Variants in PLXNA4 observed in about 807,000 individuals in gnomAD.
The protein encoded by PLXNA4 is plexin-A4.
PLXNA4 carries 44 observed loss-of-function variants against 191.8 expected under a neutral mutation model. The ratio of observed to expected loss-of-function variants is 0.23; its 90% confidence interval spans 0.18 to 0.29. The LOEUF is 0.29. Ranked by LOEUF, PLXNA4 falls within the 10% of genes least tolerant of loss-of-function variation. The pLI is 1.00. For missense variants in PLXNA4, 1,800 were observed against 2,488.8 expected (o/e 0.72, Z 5.89); for synonymous variants, 1,082 against 1,009.5 (o/e 1.07, Z -1.36).
chr7:132,258,557 C>A (rs76679077), intron 4 of PLXNA4, among the ~76,000 whole-genome samples: 5,306 of 152,292 alleles, frequency 0.035, 92 homozygotes, highest in Middle Eastern at 0.058. Context: ...TAGCCCCTGC[C>A]TTTGGGGCTG....
intron 30 of PLXNA4, among the ~76,000 whole-genome samples, chr7:132,138,374 G>A (rs1795173782): frequency 6.6e-6 from 1 of 152,162 alleles, no homozygotes; most frequent in Non-Finnish European, 1.5e-5. Flanking sequence ...TCCTTGGAAT[G>A]GGGAGGCGGG....
intron 1 of PLXNA4, among the ~76,000 whole-genome samples, chr7:132,516,154 TA>T (rs1362452628): frequency 1.3e-5 from 2 of 152,192 alleles, no homozygotes; most frequent in Non-Finnish European, 2.9e-5. Context: ...GGGACCAACC[TA>T]AAAAACTGGT....
chr7:132,565,505 C>A (rs373258915), intron 1 of PLXNA4, among the ~76,000 whole-genome samples: 1 of 152,150 alleles, frequency 6.6e-6, no homozygotes, highest in Non-Finnish European at 1.5e-5. Flanking sequence ...CACTGCAACA[C>A]GACAGTCTTG....
chr7:132,246,108 A>G (rs1799041517), intron 4 of PLXNA4, among the ~76,000 whole-genome samples: 2 of 152,244 alleles, frequency 1.3e-5, no homozygotes, highest in African/African-American at 4.8e-5. Flanking sequence ...CCACAATAAA[A>G]GAGTTGAAAT....
chr7:132,332,757 G>A (rs1005572448), intron 3 of PLXNA4, among the ~76,000 whole-genome samples: 4 of 151,850 alleles, frequency 2.6e-5, no homozygotes, highest in Non-Finnish European at 4.4e-5. Context: ...CTACTCAGGA[G>A]GCTGCAGTAG....
chr7:132,254,661 C>T (rs1050074530), intron 4 of PLXNA4, among the ~76,000 whole-genome samples: 2 of 152,204 alleles, frequency 1.3e-5, no homozygotes, highest in African/African-American at 2.4e-5. Flanking sequence ...AGGCTGCAGA[C>T]GTAATGCAGA....
At chr7:132,543,565 T>C (rs1221427329) in intron 1 of PLXNA4, among the ~76,000 whole-genome samples, 1 of 152,222 alleles carries the variant, frequency 6.6e-6, no homozygotes, top group African/African-American at 2.4e-5. Flanking sequence ...AATTAGCTAG[T>C]CTGCCTTTAC....
intron 1 of PLXNA4, among the ~76,000 whole-genome samples, chr7:132,523,842 T>A (rs976429536): frequency 3.3e-4 from 50 of 152,038 alleles, no homozygotes; most frequent in African/African-American, 1.1e-3. Context: ...TCTGGGTGGG[T>A]GCTGGTACCA....
chr7:132,326,883 T>A (rs1290499444), intron 3 of PLXNA4, among the ~76,000 whole-genome samples: 2 of 145,324 alleles, frequency 1.4e-5, no homozygotes, highest in African/African-American at 5.2e-5. Flanking sequence ...TGGTACTCAG[T>A]AAGTGTTGTG....
chr7:132,148,775 C>T, intron 25 of PLXNA4, 129 bp from the exon 26 acceptor site: 1 of 1,381,092 alleles, frequency 7.2e-7, no homozygotes, highest in Non-Finnish European at 9.6e-7. Flanking sequence ...AGCACATGCT[C>T]CTGCGAAAAT....
chr7:132,630,182 T>A (rs957444066), intron 2 of PLXNA4, among the ~76,000 whole-genome samples: 5 of 152,124 alleles, frequency 3.3e-5, no homozygotes, highest in Non-Finnish European at 5.9e-5. Flanking sequence ...AGTAATCCTA[T>A]CAGATTAGGA....
chr7:132,143,461 C>A (rs183404994), intron 29 of PLXNA4, among the ~76,000 whole-genome samples: 58 of 152,340 alleles, frequency 3.8e-4, no homozygotes, highest in Non-Finnish European at 5.4e-4. Context: ...GATATTCTTG[C>A]ACTGTGCTAC....
intron 3 of PLXNA4, among the ~76,000 whole-genome samples, chr7:132,458,967 C>CA (rs1319646129): frequency 6.6e-6 from 1 of 152,164 alleles, no homozygotes; most frequent in African/African-American, 2.4e-5. Context: ...TGGGAATGTG[C>CA]AAAGCCCTCA....
intron 2 of PLXNA4, among the ~76,000 whole-genome samples, chr7:132,493,715 ATGGATGGG>A (rs1257635068): frequency 6.1e-4 from 90 of 148,670 alleles, no homozygotes; most frequent in African/African-American, 1.9e-3. Context: ...GGATGGATGG[ATGGATGGG>A]TGGATGGGTG....
chr7:132,353,787 T>C (rs1803586949), intron 3 of PLXNA4, among the ~76,000 whole-genome samples: 1 of 152,040 alleles, frequency 6.6e-6, no homozygotes, highest in Non-Finnish European at 1.5e-5. Context: ...GGGGAGAACT[T>C]GAGGTGGGGG....
At chr7:132,146,793 C>T (rs2671112) in intron 27 of PLXNA4, 93 bp from the exon 28 acceptor site, 154,238 of 1,556,054 alleles carry the variant, frequency 0.099, 25,140 homozygotes, top group African/African-American at 0.76. Flanking sequence ...CAGAAGCCAA[C>T]GACTGTCTGA....
At position 132,174,719 on chromosome 7, in the gene PLXNA4, C is replaced by G. The variant is rs941419730; in HGVS notation, c.4017+59G>C. On this transcript the variant is annotated intron_variant, in intron 21 of 31. Transcript: ENST00000321063. ...CTCACCTCCGAAAGAAGGGGCTGGA[C>G]TTGAAGATTGCCAACACGCTCCCCT... The G allele has an allele frequency of 5.0e-6, 8 of 1,586,374 alleles. No individual in the cohort carries two copies. The African/African-American group carries it at 8.1e-5, about 16-fold the overall frequency.
chr7:132,193,608 G>T (rs1346145693), intron 14 of PLXNA4, among the ~76,000 whole-genome samples: 1 of 152,182 alleles, frequency 6.6e-6, no homozygotes, highest in African/African-American at 2.4e-5. Context: ...TTTTCCACAA[G>T]ATCATGGGGT....
chr7:132,485,247 G>T (rs555609697), intron 3 of PLXNA4, among the ~76,000 whole-genome samples: 1 of 152,330 alleles, frequency 6.6e-6, no homozygotes, highest in African/African-American at 2.4e-5. Flanking sequence ...GCCAGCCAGA[G>T]TTCCGCTTAA....
Sources: gnomAD v4.1 joint callset for allele counts (sites outside exome capture counted in the v4.1 genomes callset) on GRCh38, gnomAD v4.1.1 for gene constraint, MANE v1.5 for transcripts, NCBI Gene and HGNC (gene_info 2026-07-23, HGNC 2026-07-21) for gene names.